The following ASTN2 variants were observed in gnomAD, a reference collection of about 807,000 sequenced individuals.
ASTN2 encodes the protein astrotactin-2.
ASTN2 carries 54 observed loss-of-function variants against 139.8 expected under a neutral mutation model. The observed-to-expected ratio is 0.39, with a 90% CI of 0.31 to 0.48. ASTN2 has a LOEUF of 0.48. ASTN2 is among the 20% of genes least tolerant of loss of function. The pLI is 0.95. For missense variants in ASTN2, 1,565 were observed against 1,725.1 expected (o/e 0.91, Z 1.64); for synonymous variants, 756 against 719.5 (o/e 1.05, Z -0.81).
chr9:116,901,811 C>T (rs1337698267), intron 10 of ASTN2, among the ~76,000 whole-genome samples: 9 of 152,074 alleles, frequency 5.9e-5, no homozygotes, highest in African/African-American at 1.7e-4. Flanking sequence ...CAAGATCACC[C>T]GAGGTCAGGA....
intron 19 of ASTN2, among the ~76,000 whole-genome samples, chr9:116,530,659 A>G (rs1301153105): frequency 6.6e-6 from 1 of 152,188 alleles, no homozygotes; most frequent in Non-Finnish European, 1.5e-5. Context: ...TGAATTAATG[A>G]ATAAATGATA....
chr9:116,499,042 C>A (rs1849766405), intron 19 of ASTN2, among the ~76,000 whole-genome samples: 1 of 152,134 alleles, frequency 6.6e-6, no homozygotes, highest in Non-Finnish European at 1.5e-5. Context: ...AGCTGAAGTT[C>A]CATCCCTTTA....
At chr9:117,382,058 T>C (rs1452240736) in intron 1 of ASTN2, among the ~76,000 whole-genome samples, 1 of 152,114 alleles carries the variant, frequency 6.6e-6, no homozygotes, top group Non-Finnish European at 1.5e-5. Context: ...TGAGTACCCT[T>C]TAGGCTTGGT....
chr9:116,633,553 G>A (rs16933765), intron 17 of ASTN2, among the ~76,000 whole-genome samples: 4,467 of 152,292 alleles, frequency 0.029, 204 homozygotes, highest in African/African-American at 0.1. Flanking sequence ...ATGAGAGGCG[G>A]GTTGGAAAGT....
At position 116,838,711 on chromosome 9, in the gene ASTN2, G is replaced by A. The variant is rs555409469; in HGVS notation, c.2041-17928C>T. Among the ~76,000 whole-genome samples, 14 of 151,898 alleles carry A rather than the reference G, an allele frequency of 9.2e-5. No homozygotes were observed. The East Asian group carries it at 9.7e-4, about 11-fold the overall frequency. On this transcript the variant is annotated intron_variant, in intron 11 of 22. Transcript: ENST00000313400. ...AAGTGATAGGATTATGATTACAGGCGTGAGCCACTGCGCCCTGCCTGGGCT... is the reference window on the plus strand; with the variant it reads ...AAGTGATAGGATTATGATTACAGGCATGAGCCACTGCGCCCTGCCTGGGCT...
chr9:116,488,616 G>A (rs1398575350), intron 19 of ASTN2, among the ~76,000 whole-genome samples: 1 of 152,078 alleles, frequency 6.6e-6, no homozygotes, highest in Admixed American at 6.5e-5. Context: ...ATCTGTGAAA[G>A]AATATGAAAG....
chr9:116,673,431 G>A (rs1057364255), intron 16 of ASTN2, among the ~76,000 whole-genome samples: 1 of 152,102 alleles, frequency 6.6e-6, no homozygotes, highest in African/African-American at 2.4e-5. Context: ...AAGCTCAAAG[G>A]GTGGTGTTAT....
chr9:116,773,006 T>C (rs901772342), intron 13 of ASTN2, among the ~76,000 whole-genome samples: 16 of 151,838 alleles, frequency 1.1e-4, no homozygotes, highest in Admixed American at 6.6e-5. Flanking sequence ...AATAAAGGAA[T>C]GGAAAGCGAA....
intron 18 of ASTN2, 133 bp from the exon 19 acceptor site, chr9:116,618,605 C>T (rs1564158618): frequency 1.9e-6 from 2 of 1,075,752 alleles, no homozygotes; most frequent in Non-Finnish European, 2.6e-6. Context: ...TGATCGCCAA[C>T]TTGCATGACC....
chr9:116,425,339 A>G lies in ASTN2; in HGVS notation c.*512T>C. 1 of 543,464 alleles carries G rather than the reference A, an allele frequency of 1.8e-6. No individual in the cohort carries two copies. 33.7% of individuals were successfully genotyped at this position (543,464 alleles called of 1,614,324 possible). A position where few individuals can be genotyped will look rare whatever the true frequency, so the allele number is the denominator to read the frequency against. ...CAAACTCAATAATGTCCAGCAAAAA[A>G]GAGAGAGAAGTCCTTAAAGACCCAT... On this transcript the variant is annotated 3_prime_UTR_variant, in exon 23 of 23. Transcript: ENST00000313400.
intron 17 of ASTN2, 106 bp from the exon 18 acceptor site, chr9:116,620,549 C>T: frequency 1.4e-6 from 2 of 1,393,130 alleles, no homozygotes; most frequent in South Asian, 1.2e-5. Flanking sequence ...TTTAGAGTAG[C>T]CCCTTTAAGC....
intron 1 of ASTN2, among the ~76,000 whole-genome samples, chr9:117,313,815 A>G (rs752531554): frequency 2.6e-5 from 4 of 152,182 alleles, no homozygotes; most frequent in Non-Finnish European, 5.9e-5. Flanking sequence ...CACTGCCTCA[A>G]GGAAAATTGA....
chr9:117,316,519 C>T (rs1241228780), intron 1 of ASTN2, among the ~76,000 whole-genome samples: 1 of 152,118 alleles, frequency 6.6e-6, no homozygotes, highest in Non-Finnish European at 1.5e-5. Context: ...GGCTCATCGA[C>T]ATTGGTGTCT....
At chr9:117,392,574 C>CTT (rs1421331973) in intron 1 of ASTN2, among the ~76,000 whole-genome samples, 1 of 152,146 alleles carries the variant, frequency 6.6e-6, no homozygotes, top group African/African-American at 2.4e-5. Flanking sequence ...GGGCATAGGC[C>CTT]TTTAAGGTCA....
chr9:116,878,999 G>A (rs1455086752), intron 10 of ASTN2, among the ~76,000 whole-genome samples: 1 of 151,850 alleles, frequency 6.6e-6, no homozygotes, highest in Non-Finnish European at 1.5e-5. Context: ...GAGCCTGAGA[G>A]ACTCTGGTGA....
At chr9:116,497,397 C>A (rs763415792) in intron 19 of ASTN2, among the ~76,000 whole-genome samples, 5 of 152,204 alleles carry the variant, frequency 3.3e-5, no homozygotes, top group Non-Finnish European at 5.9e-5. Flanking sequence ...AGGACTACAA[C>A]TGTGGTCACA....
intron 17 of ASTN2, among the ~76,000 whole-genome samples, chr9:116,639,739 G>A (rs1193831753): frequency 6.6e-6 from 1 of 152,166 alleles, no homozygotes; most frequent in Non-Finnish European, 1.5e-5. Flanking sequence ...TCTGATATTT[G>A]CTAGTCTTAC....
At chr9:116,824,977 A>AC (rs1831586672) in intron 11 of ASTN2, among the ~76,000 whole-genome samples, 1 of 152,204 alleles carries the variant, frequency 6.6e-6, no homozygotes, top group Non-Finnish European at 1.5e-5. Context: ...CTCCTCCTCT[A>AC]GGAAGGGAAT....
chr9:117,267,854 G>A (rs1462695389), intron 2 of ASTN2, among the ~76,000 whole-genome samples: 1 of 152,170 alleles, frequency 6.6e-6, no homozygotes, highest in Non-Finnish European at 1.5e-5. Context: ...CCAGGGCACA[G>A]CTTTGATGGT....
Sources: gnomAD v4.1 joint callset for allele counts (sites outside exome capture counted in the v4.1 genomes callset) on GRCh38, gnomAD v4.1.1 for gene constraint, MANE v1.5 for transcripts, NCBI Gene and HGNC (gene_info 2026-07-23, HGNC 2026-07-21) for gene names.